The following KHDRBS2 variants were observed in gnomAD, a reference collection of about 807,000 sequenced individuals.
The protein encoded by KHDRBS2 is KH RNA binding domain containing, signal transduction associated 2, also known as KH domain-containing, RNA-binding, signal transduction-associated protein 2.
KHDRBS2 carries 26 observed loss-of-function variants against 44.3 expected under a neutral mutation model. The ratio of observed to expected loss-of-function variants is 0.59; its 90% confidence interval spans 0.43 to 0.81. The LOEUF is 0.81. Among genes scored for constraint, KHDRBS2 ranks in the 40% least tolerant of loss-of-function variants. The probability of loss-of-function intolerance (pLI) is 0.00; values close to 1 mark genes in which losing one functional copy is unlikely to be tolerated. For synonymous variants in KHDRBS2, 194 were observed against 151.1 expected, an observed-to-expected ratio of 1.28 and a Z score of -2.08; for missense variants, 476 against 433.1, an observed-to-expected ratio of 1.10 and a Z score of -0.88.
At position 61,731,943 on chromosome 6, in the gene KHDRBS2, C is replaced by G. The variant is rs184668514; in HGVS notation, c.893+739G>C. 1.1e-4 allele frequency among the ~76,000 whole-genome samples: 17 copies of G among 152,020 alleles called. No individual in the cohort carries two copies. The East Asian group carries it at 3.3e-3, about 29-fold the overall frequency. On this transcript the variant is annotated intron_variant, in intron 7 of 8. Transcript: ENST00000281156. ...TCTAGAGAAGGTAAAACTATGGTAA[C>G]AAAAAACAGATAGTTGGTTTCCAGA...
intron 7 of KHDRBS2, among the ~76,000 whole-genome samples, chr6:61,720,122 G>T (rs1028639740): frequency 1.3e-5 from 2 of 152,126 alleles, no homozygotes; most frequent in Non-Finnish European, 2.9e-5. Context: ...CATTTTTATG[G>T]CTGCATAGTA....
chr6:61,755,691 A>C (rs1417971338), intron 6 of KHDRBS2, among the ~76,000 whole-genome samples: 4 of 151,650 alleles, frequency 2.6e-5, no homozygotes, highest in Admixed American at 2.0e-4. Context: ...TGTGCCTGTA[A>C]TCCTAGCTAC....
At chr6:61,560,821 T>C in the KHDRBS2 span, among the ~76,000 whole-genome samples, 1 of 152,202 alleles carries the variant, frequency 6.6e-6, no homozygotes, top group Non-Finnish European at 1.5e-5. Context: ...TCTCATGCTT[T>C]ATTAAGTTCA....
chr6:62,153,793 A>G (rs1409446872), intron 2 of KHDRBS2, among the ~76,000 whole-genome samples: 1 of 152,164 alleles, frequency 6.6e-6, no homozygotes, highest in Admixed American at 6.5e-5. Flanking sequence ...TGAAGCATGT[A>G]TATAGTCTAA....
intron 2 of KHDRBS2, among the ~76,000 whole-genome samples, chr6:62,092,083 T>C (rs1799591677): frequency 6.6e-6 from 1 of 152,134 alleles, no homozygotes; most frequent in South Asian, 2.1e-4. Flanking sequence ...TCATATCCAA[T>C]TACACATTTC....
chr6:62,061,533 C>T lies in KHDRBS2; in HGVS notation c.220-13539G>A, dbSNP rs1470040360. ...CTCTTCTGGCTTGTAGGGTTTCTGC[C>T]AAGAGATCCGCTGTTAGTCTGATGG... On this transcript the variant is annotated intron_variant, in intron 2 of 8. Coordinates refer to ENST00000281156, the MANE Select transcript of KHDRBS2 (RefSeq NM_152688.4). Among the ~76,000 whole-genome samples the T allele has an allele frequency of 1.6e-4, 23 of 147,984 alleles. No homozygotes were observed. In the South Asian group the frequency reaches 2.0e-3, roughly 13 times the overall value.
At chr6:62,135,321 G>A (rs190843070) in intron 2 of KHDRBS2, among the ~76,000 whole-genome samples, 24 of 152,130 alleles carry the variant, frequency 1.6e-4, no homozygotes, top group South Asian at 2.1e-4. Context: ...TTTGCCTTCC[G>A]CAATGTGAGG....
chr6:61,828,944 A>C (rs1178155219), intron 6 of KHDRBS2, among the ~76,000 whole-genome samples: 1 of 152,274 alleles, frequency 6.6e-6, no homozygotes, highest in Non-Finnish European at 1.5e-5. Flanking sequence ...ATTAGTATAC[A>C]GTGGGTTAGG....
intron 7 of KHDRBS2, among the ~76,000 whole-genome samples, chr6:61,709,799 A>G (rs1439462388): frequency 6.6e-6 from 1 of 151,724 alleles, no homozygotes; most frequent in Non-Finnish European, 1.5e-5. Context: ...TATAGAAGCT[A>G]TTGAACCCTA....
the KHDRBS2 span, among the ~76,000 whole-genome samples, chr6:61,558,763 A>T: frequency 6.6e-6 from 1 of 151,950 alleles, no homozygotes; most frequent in Non-Finnish European, 1.5e-5. Context: ...GTATTATTTT[A>T]TTTTGGTCAG....
chr6:61,673,116 T>A, the KHDRBS2 span, among the ~76,000 whole-genome samples: 1 of 151,926 alleles, frequency 6.6e-6, no homozygotes, highest in African/African-American at 2.4e-5. Flanking sequence ...CCTTCCCCCA[T>A]TGCTTGTTTT....
intron 4 of KHDRBS2, among the ~76,000 whole-genome samples, chr6:61,947,379 G>A (rs544587730): frequency 1.2e-4 from 19 of 152,150 alleles, no homozygotes; most frequent in African/African-American, 4.6e-4. Flanking sequence ...AAAATGACAA[G>A]CATTTTCATA....
chr6:61,833,762 T>C (rs992841057), intron 6 of KHDRBS2, among the ~76,000 whole-genome samples: 1 of 152,148 alleles, frequency 6.6e-6, no homozygotes, highest in African/African-American at 2.4e-5. Flanking sequence ...TTCTCTTTTG[T>C]AAAATATATT....
chr6:61,980,209 A>G (rs1449990665), intron 3 of KHDRBS2, among the ~76,000 whole-genome samples: 2 of 152,174 alleles, frequency 1.3e-5, no homozygotes, highest in Non-Finnish European at 2.9e-5. Context: ...TAGGAAGATT[A>G]TTGTGCAGGA....
At chr6:61,796,058 C>A (rs1325394041) in intron 6 of KHDRBS2, among the ~76,000 whole-genome samples, 5 of 151,938 alleles carry the variant, frequency 3.3e-5, no homozygotes, top group African/African-American at 9.7e-5. Context: ...AATTGTGTTT[C>A]CTCATTTGTA....
intron 1 of KHDRBS2, among the ~76,000 whole-genome samples, chr6:62,227,730 AGAAGCGATGTT>A (rs1256200491): frequency 6.6e-6 from 1 of 152,196 alleles, no homozygotes; most frequent in Non-Finnish European, 1.5e-5. Context: ...GTTTTTAACA[AGAAGCGATGTT>A]GAATTGTATC....
intron 4 of KHDRBS2, among the ~76,000 whole-genome samples, chr6:61,923,040 T>C (rs1334570624): frequency 6.6e-6 from 1 of 152,060 alleles, no homozygotes; most frequent in East Asian, 1.9e-4. Flanking sequence ...ATAAAATGTA[T>C]TTCACATAAT....
At chr6:61,740,979 C>G (rs887759393) in intron 6 of KHDRBS2, among the ~76,000 whole-genome samples, 1 of 151,774 alleles carries the variant, frequency 6.6e-6, no homozygotes, top group African/African-American at 2.4e-5. Flanking sequence ...TACGTGAACA[C>G]AATGTTCCAA....
At chr6:61,782,279 CAGGTGGGATGCCA>C (rs72356458) in intron 6 of KHDRBS2, among the ~76,000 whole-genome samples, 27,879 of 151,930 alleles carry the variant, frequency 0.18, 2,673 homozygotes, top group Non-Finnish European at 0.2. Context: ...CCTCTGTCAT[CAGGTGGGATGCCA>C]AGGCCAAGTT....
Sources: allele counts gnomAD v4.1 joint callset (sites outside exome capture counted in the v4.1 genomes callset), GRCh38; gene constraint gnomAD v4.1.1; transcripts MANE v1.5; gene names NCBI Gene and HGNC (gene_info 2026-07-23, HGNC 2026-07-21).